RBM18: variants seen among roughly 807,000 people sequenced by gnomAD.
The protein encoded by RBM18 is RNA binding motif protein 18.
In RBM18, 18 loss-of-function variants were observed where a neutral mutation model predicts 26.4. The observed-to-expected ratio is 0.68, with a 90% CI of 0.47 to 1.01. The LOEUF (loss-of-function observed/expected upper bound fraction) is 1.01, where lower values mean the gene tolerates loss of function less well. Among genes scored for constraint, RBM18 ranks in the 50% least tolerant of loss-of-function variants. The pLI is 0.00. For synonymous variants in RBM18, 74 were observed against 81.1 expected (o/e 0.91, Z 0.47); for missense variants, 180 against 219.2 (o/e 0.82, Z 1.13).
In RBM18 at chr9:122,247,785, G is replaced by GTTT. The variant is rs34974193; in HGVS notation, c.241-184_241-182dup. 9.4e-3 allele frequency among the ~76,000 whole-genome samples: 1,248 copies of GTTT among 132,736 alleles called. 41 individuals carry two copies. Among genetic ancestry groups the GTTT allele is most frequent in the South Asian group, 0.022 (92 of 4,198 alleles). 87.1% of individuals were successfully genotyped at this position (132,736 alleles called of 152,430 possible). A position where few individuals can be genotyped will look rare whatever the true frequency, so the allele number is the denominator to read the frequency against. ...TTAAAAAGGGCATGGTTTTTTTGTTGTTTTTTTTTTTTTTTTGAGATGGAG... is the reference window on the plus strand; with the variant it reads ...TTAAAAAGGGCATGGTTTTTTTGTTGTTTTTTTTTTTTTTTTTTTGAGATGGAG... On this transcript the variant is annotated intron_variant, in intron 3 of 5. Transcript: ENST00000417201.
chr9:122,261,349 T>C, intron 2 of RBM18, 31 bp downstream of exon 2: 2 of 1,444,352 alleles, frequency 1.4e-6, no homozygotes, highest in Admixed American at 1.7e-5. Context: ...CCCAATATTG[T>C]AGGTAAAAAA....
intron 2 of RBM18, among the ~76,000 whole-genome samples, chr9:122,257,817 AAG>A (rs1831722408): frequency 6.6e-6 from 1 of 152,228 alleles, no homozygotes; most frequent in South Asian, 2.1e-4. Context: ...ACATATAAGA[AAG>A]AGAGAGGTAA....
chr9:122,237,859 G>C lies in RBM18; in HGVS notation c.*4025C>G, dbSNP rs1359210271. On this transcript the variant is annotated 3_prime_UTR_variant, in exon 6 of 6. Transcript: ENST00000417201. ...CATGTAAATGCCTGGGCATGGTTGT[G>C]TTCTAATAGTTATTAACATACACTG... 6.6e-6 allele frequency: 1 copy of C among 151,984 alleles called. No homozygotes were observed. The highest frequency in any genetic ancestry group is 1.5e-5 in the Non-Finnish European group (1 of 67,998). The allele number at this position is 151,984 out of a possible 1,614,324, so 9.4% of individuals were successfully genotyped here.
rs758500722 is a variant in RBM18 at position 122,239,265 on chromosome 9, A to T, written c.*2619T>A. On this transcript the variant is annotated 3_prime_UTR_variant, in exon 6 of 6. Transcript: ENST00000417201. ...TGTCTCACTCTGTTGCCCAGGCTGG[A>T]GTGCAGTGGCACAATCTCGGCTCAC... 6.6e-6 allele frequency: 1 copy of T among 151,938 alleles called. No individual in the cohort carries two copies. The highest frequency in any genetic ancestry group is 1.5e-5 in the Non-Finnish European group (1 of 68,010). 9.4% of individuals were successfully genotyped at this position (151,938 alleles called of 1,614,324 possible).
intron 3 of RBM18, among the ~76,000 whole-genome samples, chr9:122,248,849 C>T (rs1831550583): frequency 6.6e-6 from 1 of 152,194 alleles, no homozygotes; most frequent in African/African-American, 2.4e-5. Flanking sequence ...GTTGGCATTC[C>T]AGTCTGGTTT....
At chr9:122,264,406 T>C (rs905983738) in intron 1 of RBM18, among the ~76,000 whole-genome samples, 5 of 152,196 alleles carry the variant, frequency 3.3e-5, no homozygotes, top group Non-Finnish European at 7.3e-5. Flanking sequence ...GCGGTTACAT[T>C]TGTCTTTCCA....
intron 5 of RBM18, among the ~76,000 whole-genome samples, chr9:122,244,276 T>A (rs75761907): frequency 0.016 from 2,436 of 152,338 alleles, 26 homozygotes; most frequent in Non-Finnish European, 0.028. Context: ...TCTGTTTTGT[T>A]TGGTGCAGAT....
rs751550960 is a variant in RBM18, at chr9:122,242,047, G to GA, written c.414-5dup. On this transcript the variant is annotated splice_polypyrimidine_tract_variant and splice_region_variant and intron_variant, in intron 5 of 5. Coordinates refer to ENST00000417201, the MANE Select transcript of RBM18 (RefSeq NM_033117.4). ...GGCTTTTATCTTTGCAGTGACACTGGAAAAATAATAGCAGAGGATCAGAGT... is the reference window on the plus strand; with the variant it reads ...GGCTTTTATCTTTGCAGTGACACTGGAAAAAATAATAGCAGAGGATCAGAGT... 9 of 1,613,498 alleles carry GA rather than the reference G, an allele frequency of 5.6e-6. No individual in the cohort carries two copies. The highest frequency in any genetic ancestry group is 7.6e-6 in the Non-Finnish European group (9 of 1,179,806).
chr9:122,252,948 C>G lies in RBM18; in HGVS notation c.114-975G>C, dbSNP rs1196189125. On this transcript the variant is annotated intron_variant, in intron 2 of 5. Transcript: ENST00000417201. ...AATCTCAATTCCGACTTCCTGTCAT[C>G]TGATGTGGGGGTGAGACAAACCAAC... Among the ~76,000 whole-genome samples, 3 of 152,318 alleles carry G rather than the reference C, an allele frequency of 2.0e-5. No homozygotes were observed. The East Asian group carries it at 5.8e-4, about 29-fold the overall frequency.
rs1367581889 is a variant in RBM18, at chr9:122,261,412, T to C, written c.81A>G (p.Leu27=). 1.9e-6 allele frequency: 3 copies of C among 1,614,022 alleles called. No homozygotes were observed. Among genetic ancestry groups the C allele is most frequent in the Admixed American group, 1.7e-5 (1 of 60,006 alleles). The change falls in exon 2 of 6, where the codon TTA becomes TTG. Residue 27 remains leucine, a synonymous_variant. Coordinates refer to ENST00000417201, the MANE Select transcript of RBM18 (RefSeq NM_033117.4). ...SEGSLQEGHR[L]WIGNLDPKIT... ...TTTTGGGGTCCAGGTTGCCAATCCA[T>C]AATCGGTGTCCTTCCTGCAGAGAGC... is the stretch of plus-strand genomic sequence containing the variant.
intron 1 of RBM18, among the ~76,000 whole-genome samples, chr9:122,264,106 T>C (rs1423824741): frequency 2.6e-5 from 4 of 152,232 alleles, no homozygotes; most frequent in African/African-American, 7.2e-5. Flanking sequence ...GTTCTATTTC[T>C]AGCACTTAAG....
Position 122,240,559 on chromosome 9 carries a change from A to C in RBM18, c.*1325T>G, listed in dbSNP as rs933511778. ...TAGTGATAAACATTCTGTCATCACC[A>C]AGAATGGCACCTGGAGTAACAAAGT... On this transcript the variant is annotated 3_prime_UTR_variant, in exon 6 of 6. Coordinates refer to ENST00000417201, the MANE Select transcript of RBM18 (RefSeq NM_033117.4). 2 of 152,236 alleles carry C rather than the reference A, an allele frequency of 1.3e-5. No homozygotes were observed. The highest frequency in any genetic ancestry group is 2.9e-5 in the Non-Finnish European group (2 of 68,044). 9.4% of individuals were successfully genotyped at this position (152,236 alleles called of 1,614,324 possible).
intron 2 of RBM18, among the ~76,000 whole-genome samples, chr9:122,256,453 A>T (rs1415270760): frequency 6.6e-6 from 1 of 152,222 alleles, no homozygotes. Flanking sequence ...CTTGTAAAAG[A>T]AAGTCGGTAT....
intron 3 of RBM18, among the ~76,000 whole-genome samples, chr9:122,251,396 C>T (rs564755745): frequency 5.4e-4 from 82 of 152,166 alleles, no homozygotes; most frequent in Non-Finnish European, 9.3e-4. Flanking sequence ...CTTCTACATA[C>T]ATTAAAATTT....
At chr9:122,245,845 A>T (rs975706042) in intron 4 of RBM18, among the ~76,000 whole-genome samples, 3 of 151,610 alleles carry the variant, frequency 2.0e-5, no homozygotes, top group Non-Finnish European at 4.4e-5. Flanking sequence ...AACAAAAATT[A>T]CCCGGGCATG....
Position 122,241,932 on chromosome 9 carries a change from T to C in RBM18, c.525A>G (p.Lys175=). Residue 175 remains lysine, a synonymous_variant, in exon 6 of 6, where the codon AAA becomes AAG. Coordinates refer to ENST00000417201, the MANE Select transcript of RBM18 (RefSeq NM_033117.4). Reference sequence around the variant, plus strand: ...TTCTAGAATATGGAGTAGTCCTTTTTTTATCTGGTGGCTTAAAGTAGGAAT... The same window carrying C: ...TTCTAGAATATGGAGTAGTCCTTTTCTTATCTGGTGGCTTAAAGTAGGAAT... ...PVYSYFKPPD[K]KRTTPYSRTA... is the part of the protein sequence containing the mutation. 6.2e-7 allele frequency: 1 copy of C among 1,614,164 alleles called. No individual in the cohort carries two copies. Among genetic ancestry groups the C allele is most frequent in the Non-Finnish European group, 8.5e-7 (1 of 1,179,996 alleles).
At chr9:122,258,924 A>AG (rs560022820) in intron 2 of RBM18, among the ~76,000 whole-genome samples, 81 of 151,214 alleles carry the variant, frequency 5.4e-4, no homozygotes, top group South Asian at 6.2e-4. Flanking sequence ...AAAAAAAAAA[A>AG]AAGAAGAAGA....
chr9:122,253,151 T>C (rs534478073), intron 2 of RBM18, among the ~76,000 whole-genome samples: 1 of 152,224 alleles, frequency 6.6e-6, no homozygotes, highest in Non-Finnish European at 1.5e-5. Context: ...AAGTTGTCGT[T>C]ATAGCCACAT....
rs1195586411 is a variant in RBM18 at position 122,241,181 on chromosome 9, G to A, written c.*703C>T. The A allele has an allele frequency of 6.6e-6, 1 of 152,168 alleles. No homozygotes were observed. Among genetic ancestry groups the A allele is most frequent in the Non-Finnish European group, 1.5e-5 (1 of 68,012 alleles). The allele number at this position is 152,168 out of a possible 1,614,324, so 9.4% of individuals were successfully genotyped here. On this transcript the variant is annotated 3_prime_UTR_variant, in exon 6 of 6. Transcript: ENST00000417201. Reference sequence around the variant, plus strand: ...AAAAAATGGTTGCTATAGAATAAAAGTTCAATTTCCAAATAGAACTTGTGT... The same window carrying A: ...AAAAAATGGTTGCTATAGAATAAAAATTCAATTTCCAAATAGAACTTGTGT...
Sources: allele counts gnomAD v4.1 joint callset (sites outside exome capture counted in the v4.1 genomes callset), GRCh38; gene constraint gnomAD v4.1.1; transcripts MANE v1.5; gene names NCBI Gene and HGNC (gene_info 2026-07-23, HGNC 2026-07-21).